AFF1: variants seen among roughly 807,000 people sequenced by gnomAD.
AFF1 encodes AF4/FMR2 family member 1.
A neutral mutation model predicts 121.7 loss-of-function variants in AFF1; 48 were observed. That is an observed-to-expected ratio of 0.39 (90% CI 0.31 to 0.50). The LOEUF (loss-of-function observed/expected upper bound fraction) is 0.50. AFF1 is among the 20% of genes least tolerant of loss of function. The pLI is 0.76. For missense variants in AFF1, 1,523 were observed against 1,511.7 expected (o/e 1.01, Z -0.12); for synonymous variants, 613 against 563.0 (o/e 1.09, Z -1.26).
At chr4:87,011,263 C>A (rs1352573088) in intron 2 of AFF1, among the ~76,000 whole-genome samples, 10 of 152,046 alleles carry the variant, frequency 6.6e-5, no homozygotes, top group Admixed American at 5.9e-4. Context: ...AGACAAACTG[C>A]AGTAGGAAAG....
intron 2 of AFF1, among the ~76,000 whole-genome samples, chr4:86,995,775 C>G (rs1173317888): frequency 6.6e-6 from 1 of 151,176 alleles, no homozygotes; most frequent in South Asian, 2.1e-4. Context: ...GGCCGCCCAT[C>G]GTCTGGGATG....
chr4:86,978,894 C>T (rs1165277911), intron 2 of AFF1, among the ~76,000 whole-genome samples: 1 of 152,146 alleles, frequency 6.6e-6, no homozygotes, highest in Non-Finnish European at 1.5e-5. Flanking sequence ...CACCTTATCT[C>T]CCACTTCCCT....
At chr4:86,961,914 C>T (rs1169601071) in intron 2 of AFF1, among the ~76,000 whole-genome samples, 1 of 152,052 alleles carries the variant, frequency 6.6e-6, no homozygotes, top group African/African-American at 2.4e-5. Flanking sequence ...TACTGTCCCC[C>T]GCAGAGCACT....
At chr4:87,067,480 T>G (rs1447718416) in intron 4 of AFF1, among the ~76,000 whole-genome samples, 4 of 152,236 alleles carry the variant, frequency 2.6e-5, no homozygotes, top group African/African-American at 4.8e-5. Flanking sequence ...TGGTGAGTGA[T>G]GGACTACAGT....
rs143849283 is a variant in AFF1, at chr4:87,090,004, G to A, written c.1125G>A (p.Pro375=). The A allele has an allele frequency of 5.0e-4, 801 of 1,613,536 alleles. 2 individuals are homozygous for A. Among genetic ancestry groups the A allele is most frequent in the Middle Eastern group, 2.3e-3 (14 of 6,060 alleles). The change falls in exon 6 of 21, where the codon CCG becomes CCA. Residue 375 remains proline, a synonymous_variant. Transcript: ENST00000395146. ...TCCAGGAAATGACCCATTCATGGCC[G>A]CCTCCTTTGACAGCAATACATACGC... ...EILKEMTHSW[P]PPLTAIHTPS...
chr4:86,950,715 C>T (rs530341511), intron 2 of AFF1, among the ~76,000 whole-genome samples: 279 of 152,252 alleles, frequency 1.8e-3, no homozygotes, highest in Non-Finnish European at 2.9e-3. Flanking sequence ...TTACTCTCTC[C>T]CCTCACCAAA....
intron 7 of AFF1, among the ~76,000 whole-genome samples, chr4:87,093,479 A>C (rs1724522712): frequency 6.6e-6 from 1 of 152,184 alleles, no homozygotes; most frequent in Non-Finnish European, 1.5e-5. Context: ...ATCTTATGGT[A>C]CTGGTACATA....
At chr4:87,056,542 G>A (rs1319284507) in intron 4 of AFF1, among the ~76,000 whole-genome samples, 2 of 152,028 alleles carry the variant, frequency 1.3e-5, no homozygotes, top group African/African-American at 2.4e-5. Context: ...TTTCATGCTC[G>A]AGAACATGGG....
At chr4:86,994,102 A>T (rs1441075930) in intron 2 of AFF1, among the ~76,000 whole-genome samples, 1 of 152,296 alleles carries the variant, frequency 6.6e-6, no homozygotes, top group African/African-American at 2.4e-5. Flanking sequence ...GTAACAAGGC[A>T]CTAAAACACA....
At chr4:86,988,581 A>G (rs942602411) in intron 2 of AFF1, among the ~76,000 whole-genome samples, 2 of 152,220 alleles carry the variant, frequency 1.3e-5, no homozygotes, top group Admixed American at 6.5e-5. Flanking sequence ...GCTCATGGAT[A>G]GGAAGAATCA....
intron 2 of AFF1, among the ~76,000 whole-genome samples, chr4:86,954,216 A>G (rs1721581645): frequency 6.6e-6 from 1 of 152,118 alleles, no homozygotes. Context: ...GTTTCCATTC[A>G]TTTTGATGTT....
intron 9 of AFF1, 59 bp downstream of exon 9, chr4:87,105,741 A>G (rs1002634128): frequency 1.1e-5 from 17 of 1,613,658 alleles, no homozygotes; most frequent in Non-Finnish European, 1.4e-5. Flanking sequence ...AACAGATCTG[A>G]GCTGCTTGTT....
At chr4:87,131,940 T>C in intron 18 of AFF1, 76 bp downstream of exon 18, 3 of 1,272,840 alleles carry the variant, frequency 2.4e-6, no homozygotes, top group Non-Finnish European at 3.2e-6. Flanking sequence ...ATTCTGAAAT[T>C]TGTTTTCTTA....
At chr4:86,949,774 C>T (rs1721164202) in intron 2 of AFF1, 3 of 1,613,040 alleles carry the variant, frequency 1.9e-6, no homozygotes, top group Non-Finnish European at 1.7e-6. Flanking sequence ...GGGTGAAGCC[C>T]ACCAGGGAGA....
chr4:87,097,864 T>A (rs1725022893), intron 8 of AFF1, among the ~76,000 whole-genome samples: 1 of 152,216 alleles, frequency 6.6e-6, no homozygotes, highest in African/African-American at 2.4e-5. Flanking sequence ...TGCAGTTGTT[T>A]CAGATTTTGT....
intron 4 of AFF1, among the ~76,000 whole-genome samples, chr4:87,063,151 A>G (rs1442428561): frequency 6.6e-6 from 1 of 150,844 alleles, no homozygotes; most frequent in Non-Finnish European, 1.5e-5. Flanking sequence ...TAAGTATGTA[A>G]TAGCTGCTGT....
intron 2 of AFF1, among the ~76,000 whole-genome samples, chr4:86,972,703 A>C (rs1322072960): frequency 6.6e-6 from 1 of 151,774 alleles, no homozygotes; most frequent in East Asian, 1.9e-4. Flanking sequence ...ACACCCAGCT[A>C]ATTTTTTTGA....
chr4:86,946,945 T>C (rs1297678884), intron 1 of AFF1, among the ~76,000 whole-genome samples: 1 of 152,176 alleles, frequency 6.6e-6, no homozygotes, highest in Non-Finnish European at 1.5e-5. Context: ...TTCAGATGCC[T>C]CTACAGAAGT....
intron 16 of AFF1, among the ~76,000 whole-genome samples, chr4:87,129,931 G>A (rs1560660852): frequency 6.6e-6 from 1 of 151,426 alleles, no homozygotes. Flanking sequence ...CCAGCTCCTT[G>A]TATTCCACTT....
Sources: allele counts gnomAD v4.1 joint callset (sites outside exome capture counted in the v4.1 genomes callset), GRCh38; gene constraint gnomAD v4.1.1; transcripts MANE v1.5; gene names NCBI Gene and HGNC (gene_info 2026-07-23, HGNC 2026-07-21).